Variants in DIP2C observed in about 807,000 individuals in gnomAD.
DIP2C encodes disco-interacting protein 2 homolog C.
Under a neutral mutation model 192.4 loss-of-function variants are expected in DIP2C, and 33 were observed. That is an observed-to-expected ratio of 0.17 (90% CI 0.13 to 0.23). The LOEUF (loss-of-function observed/expected upper bound fraction) is 0.23, where lower values mean the gene tolerates loss of function less well. DIP2C is among the 10% of genes least tolerant of loss of function. The pLI, the probability that DIP2C is intolerant of heterozygous loss-of-function variation, is 1.00. For synonymous variants in DIP2C, 979 were observed against 864.1 expected, an observed-to-expected ratio of 1.13 and a Z score of -2.33; for missense variants, 1,537 against 2,110.1, an observed-to-expected ratio of 0.73 and a Z score of 5.32.
chr10:362,593 T>C lies in DIP2C; in HGVS notation c.2691A>G (p.Glu897=). The C allele has an allele frequency of 6.2e-6, 10 of 1,614,150 alleles. No homozygotes were observed. Among genetic ancestry groups the C allele is most frequent in the Non-Finnish European group, 7.6e-6 (9 of 1,180,016 alleles). ...KTPLGGIHLS[E]TKQLFLEGSL... ...AGCCCTCCAGAAAAAGCTGTTTTGT[T>C]TCTGATAAATGGATCCCACCAAGCG... Residue 897 remains glutamate, a synonymous_variant, in exon 22 of 37, where the codon GAA becomes GAG. Coordinates refer to ENST00000280886, the MANE Select transcript of DIP2C (RefSeq NM_014974.3).
At chr10:598,359 A>T (rs986752141) in intron 1 of DIP2C, among the ~76,000 whole-genome samples, 1 of 152,264 alleles carries the variant, frequency 6.6e-6, no homozygotes, top group Admixed American at 6.5e-5. Flanking sequence ...TGCATTGAGC[A>T]CAAACCTTTC....
At chr10:426,602 C>T (rs753508641) in intron 4 of DIP2C, among the ~76,000 whole-genome samples, 46 of 152,300 alleles carry the variant, frequency 3.0e-4, no homozygotes, top group Non-Finnish European at 7.4e-5. Context: ...GATTTCAAAA[C>T]TTTACATAAA....
At chr10:577,428 G>A (rs551419769) in intron 1 of DIP2C, among the ~76,000 whole-genome samples, 25 of 152,354 alleles carry the variant, frequency 1.6e-4, no homozygotes, top group African/African-American at 5.8e-4. Flanking sequence ...TTGCACACCT[G>A]TTGTGTGTAC....
chr10:374,097 T>A (rs1961298929), intron 17 of DIP2C, among the ~76,000 whole-genome samples: 1 of 152,220 alleles, frequency 6.6e-6, no homozygotes, highest in South Asian at 2.1e-4. Flanking sequence ...GATCTTTCCA[T>A]GTGTCTGTGT....
intron 32 of DIP2C, among the ~76,000 whole-genome samples, chr10:300,706 C>T (rs1031218064): frequency 1.4e-5 from 2 of 144,226 alleles, no homozygotes; most frequent in African/African-American, 5.1e-5. Flanking sequence ...AGGCGCGGCC[C>T]TGAGCGTGTG....
At chr10:417,747 C>A (rs868646296) in intron 6 of DIP2C, among the ~76,000 whole-genome samples, 1 of 115,232 alleles carries the variant, frequency 8.7e-6, no homozygotes, top group African/African-American at 3.9e-5. Flanking sequence ...TGTCAGGGCT[C>A]GGATAGGCAT....
At chr10:467,361 TCA>T (rs1219207094) in intron 3 of DIP2C, among the ~76,000 whole-genome samples, 1 of 116,002 alleles carries the variant, frequency 8.6e-6, no homozygotes, top group Non-Finnish European at 1.7e-5. Flanking sequence ...AAGGGGAATA[TCA>T]CACTCTGGGG....
intron 1 of DIP2C, among the ~76,000 whole-genome samples, chr10:601,056 C>T (rs1315922097): frequency 1.3e-5 from 2 of 151,844 alleles, no homozygotes; most frequent in African/African-American, 2.4e-5. Flanking sequence ...AGGGCTCTGG[C>T]GTACTCTGAA....
intron 1 of DIP2C, among the ~76,000 whole-genome samples, chr10:673,487 A>C (rs1254948561): frequency 1.3e-5 from 2 of 152,340 alleles, no homozygotes; most frequent in Non-Finnish European, 1.5e-5. Flanking sequence ...TCTTCATCCC[A>C]CATCACCTTT....
chr10:568,120 G>C (rs1255219947), intron 1 of DIP2C, among the ~76,000 whole-genome samples: 1 of 152,194 alleles, frequency 6.6e-6, no homozygotes. Context: ...CAGCCTTGTT[G>C]TGTTGGCACA....
intron 4 of DIP2C, among the ~76,000 whole-genome samples, chr10:432,836 G>T (rs978369402): frequency 1.3e-5 from 2 of 152,084 alleles, no homozygotes; most frequent in Non-Finnish European, 2.9e-5. Flanking sequence ...ATTTTAAAAA[G>T]TTTTCATTTT....
At chr10:685,751 A>G (rs1444662092) in intron 1 of DIP2C, among the ~76,000 whole-genome samples, 4 of 152,072 alleles carry the variant, frequency 2.6e-5, no homozygotes, top group African/African-American at 9.7e-5. Context: ...CACCTGAGGT[A>G]AAGAGTTCGA....
chr10:413,831 T>C, intron 8 of DIP2C, 82 bp downstream of exon 8: 1 of 1,526,220 alleles, frequency 6.6e-7, no homozygotes, highest in Non-Finnish European at 8.9e-7. Context: ...AGTGAGGATG[T>C]AAACGGACAC....
At chr10:476,064 C>T (rs1843008771) in intron 2 of DIP2C, among the ~76,000 whole-genome samples, 1 of 152,206 alleles carries the variant, frequency 6.6e-6, no homozygotes, top group South Asian at 2.1e-4. Context: ...AGGAGCATCA[C>T]AGGAAGACTA....
chr10:423,399 G>T (rs765167572), intron 4 of DIP2C, among the ~76,000 whole-genome samples: 1 of 152,240 alleles, frequency 6.6e-6, no homozygotes, highest in African/African-American at 2.4e-5. Flanking sequence ...GAGGGCCTGT[G>T]CGGCTCTCAG....
chr10:287,744 C>CA (rs1188894922), intron 33 of DIP2C, among the ~76,000 whole-genome samples: 9 of 145,302 alleles, frequency 6.2e-5, no homozygotes, highest in Non-Finnish European at 1.1e-4. Context: ...AGTAAAAAAA[C>CA]AAAAAAACAA....
intron 3 of DIP2C, among the ~76,000 whole-genome samples, 185 bp downstream of exon 3, chr10:472,254 G>A (rs542137422): frequency 1.3e-5 from 2 of 152,302 alleles, no homozygotes; most frequent in South Asian, 2.1e-4. Flanking sequence ...TGTAAACCAC[G>A]TGAAGAGCTA....
At chr10:407,047 A>C (rs1055257013) in intron 9 of DIP2C, among the ~76,000 whole-genome samples, 10 of 152,164 alleles carry the variant, frequency 6.6e-5, no homozygotes, top group Non-Finnish European at 1.5e-4. Context: ...AAAAACTCTG[A>C]ACGATCCTCA....
chr10:315,120 T>TATGAAA (rs1956722095), intron 31 of DIP2C, among the ~76,000 whole-genome samples: 1 of 152,234 alleles, frequency 6.6e-6, no homozygotes. Flanking sequence ...TGTTATGTGC[T>TATGAAA]ATGAAAATGA....
Sources: gnomAD v4.1 joint callset for allele counts (sites outside exome capture counted in the v4.1 genomes callset) on GRCh38, gnomAD v4.1.1 for gene constraint, MANE v1.5 for transcripts, NCBI Gene and HGNC (gene_info 2026-07-23, HGNC 2026-07-21) for gene names.